Variants in GNG7 observed in about 807,000 individuals in gnomAD.
GNG7 encodes G protein subunit gamma 7, also known as guanine nucleotide-binding protein G(I)/G(S)/G(O) subunit gamma-7.
A neutral mutation model predicts 4.0 loss-of-function variants in GNG7; 1 was observed. The ratio of observed to expected loss-of-function variants is 0.25; its 90% CI spans 0.09 to 1.18. GNG7 has a LOEUF of 1.18. Among genes scored for constraint, GNG7 ranks in the 50% most tolerant of loss-of-function variants. The pLI is 0.50. For synonymous variants in GNG7, 34 were observed against 36.9 expected (o/e 0.92, Z 0.29); for missense variants, 86 against 91.9 (o/e 0.94, Z 0.26).
At chr19:2,569,663 C>A (rs1292782355) in intron 2 of GNG7, among the ~76,000 whole-genome samples, 1 of 152,206 alleles carries the variant, frequency 6.6e-6, no homozygotes, top group African/African-American at 2.4e-5. Context: ...ACTGTGGACA[C>A]TGTAGCCAGA....
chr19:2,680,422 T>C (rs941687037), intron 1 of GNG7, among the ~76,000 whole-genome samples: 21 of 152,228 alleles, frequency 1.4e-4, no homozygotes, highest in Admixed American at 9.8e-4. Context: ...AGTGCTGGGA[T>C]TACAGGCATG....
chr19:2,662,396 C>G (rs187541056), intron 1 of GNG7, among the ~76,000 whole-genome samples: 2 of 152,166 alleles, frequency 1.3e-5, no homozygotes, highest in East Asian at 3.9e-4. Context: ...CTGGAGACAG[C>G]CTTGGACCCC....
chr19:2,587,793 A>C (rs1364372401), intron 2 of GNG7, among the ~76,000 whole-genome samples: 1 of 151,862 alleles, frequency 6.6e-6, no homozygotes, highest in African/African-American at 2.4e-5. Flanking sequence ...GTGAGCCAAG[A>C]TCGTGCCACT....
chr19:2,646,646 CTG>C (rs1232709585), intron 1 of GNG7, among the ~76,000 whole-genome samples: 2 of 151,496 alleles, frequency 1.3e-5, no homozygotes, highest in Admixed American at 1.3e-4. Flanking sequence ...GATCGAGCCA[CTG>C]TCCTCCAGCC....
intron 1 of GNG7, among the ~76,000 whole-genome samples, chr19:2,674,855 C>T (rs569251054): frequency 2.6e-5 from 4 of 152,290 alleles, no homozygotes; most frequent in Admixed American, 6.5e-5. Flanking sequence ...CCCTCGACAG[C>T]GCCGACTCCA....
intron 4 of GNG7, among the ~76,000 whole-genome samples, chr19:2,516,223 GATAA>G (rs1972733193): frequency 6.6e-6 from 1 of 151,870 alleles, no homozygotes; most frequent in African/African-American, 2.4e-5. Context: ...TCTCAATTAA[GATAA>G]ATAAACAAAT....
chr19:2,572,519 C>T (rs548473308), intron 2 of GNG7, among the ~76,000 whole-genome samples: 102 of 151,956 alleles, frequency 6.7e-4, no homozygotes, highest in African/African-American at 2.4e-3. Flanking sequence ...GCAACCTCTG[C>T]CTCCCCGGTT....
At chr19:2,637,851 C>CG (rs1451419478) in intron 2 of GNG7, among the ~76,000 whole-genome samples, 3 of 150,378 alleles carry the variant, frequency 2.0e-5, no homozygotes, top group African/African-American at 7.3e-5. Flanking sequence ...TGAGACCCCC[C>CG]GGGTTAGGGG....
At chr19:2,649,680 G>A (rs745556787) in intron 1 of GNG7, among the ~76,000 whole-genome samples, 5 of 152,168 alleles carry the variant, frequency 3.3e-5, no homozygotes, top group South Asian at 2.1e-4. Context: ...GAGCCACCGC[G>A]CCCAGCCAGG....
intron 1 of GNG7, among the ~76,000 whole-genome samples, chr19:2,673,027 C>T (rs1250728162): frequency 2.0e-5 from 3 of 151,650 alleles, no homozygotes; most frequent in African/African-American, 4.8e-5. Context: ...GAGGCCGAGG[C>T]GGGCAGATCA....
At chr19:2,600,468 AT>A (rs35232310) in intron 2 of GNG7, among the ~76,000 whole-genome samples, 63,979 of 120,216 alleles carry the variant, frequency 0.53, 17,122 homozygotes, top group Middle Eastern at 0.65. Context: ...GTATCTTGGC[AT>A]TTTTTTTTTT....
At chr19:2,671,311 T>C (rs1983446007) in intron 1 of GNG7, among the ~76,000 whole-genome samples, 1 of 152,054 alleles carries the variant, frequency 6.6e-6, no homozygotes, top group African/African-American at 2.4e-5. Flanking sequence ...CCCTGGCAGT[T>C]GCAGGAAGGC....
intron 1 of GNG7, among the ~76,000 whole-genome samples, chr19:2,656,285 A>G (rs886155499): frequency 1.3e-5 from 2 of 152,208 alleles, no homozygotes; most frequent in Admixed American, 1.3e-4. Flanking sequence ...ACCAACCTAC[A>G]TGTCCATCGT....
At chr19:2,686,480 T>C (rs1323980139) in intron 1 of GNG7, among the ~76,000 whole-genome samples, 2 of 152,022 alleles carry the variant, frequency 1.3e-5, no homozygotes, top group Admixed American at 1.3e-4. Flanking sequence ...TTTAAAAATG[T>C]TGCATCTCAG....
intron 3 of GNG7, among the ~76,000 whole-genome samples, chr19:2,526,500 ATATAT>A (rs1978401506): frequency 7.5e-6 from 1 of 133,798 alleles, no homozygotes; most frequent in African/African-American, 2.7e-5. Context: ...TTGTTTACTC[ATATAT>A]TTATATTTAT....
chr19:2,513,089 G>A lies in GNG7; in HGVS notation c.*1933C>T. On this transcript the variant is annotated 3_prime_UTR_variant, in exon 5 of 5. Transcript: ENST00000382159. ...TGGGGAGCCCGGCTGTGGCCTGTGG[G>A]AGCTGCCCGAGGTTGAGGAGTGGAG... 1 of 985,606 alleles carries A rather than the reference G, an allele frequency of 1.0e-6. No homozygotes were observed. Among genetic ancestry groups the A allele is most frequent in the Non-Finnish European group, 1.2e-6 (1 of 830,076 alleles). The allele number at this position is 985,606 out of a possible 1,614,324, so 61.1% of individuals were successfully genotyped here. A position where few individuals can be genotyped will look rare whatever the true frequency, so the allele number is the denominator to read the frequency against.
At chr19:2,566,032 C>A (rs1421700459) in intron 2 of GNG7, among the ~76,000 whole-genome samples, 1 of 151,970 alleles carries the variant, frequency 6.6e-6, no homozygotes, top group Non-Finnish European at 1.5e-5. Flanking sequence ...GTGGTGGGCA[C>A]CTGTAATCCC....
In GNG7 at chr19:2,512,521, T is replaced by A; in HGVS notation, c.*2501A>T. Reference sequence around the variant, plus strand: ...AGGAGAGGCCAGCCTGTCCTTCCCCTCCCCGAGCCTCAGTTTACCTGGAAC... The same window carrying A: ...AGGAGAGGCCAGCCTGTCCTTCCCCACCCCGAGCCTCAGTTTACCTGGAAC... On this transcript the variant is annotated 3_prime_UTR_variant, in exon 5 of 5. Transcript: ENST00000382159. The surrounding 1 kb of genome is among the most constrained non-coding windows in gnomAD (Gnocchi z 4.7). The A allele has an allele frequency of 3.8e-6, 1 of 261,410 alleles. No homozygotes were observed. Among genetic ancestry groups the A allele is most frequent in the Non-Finnish European group, 5.9e-6 (1 of 168,076 alleles). 16.2% of individuals were successfully genotyped at this position (261,410 alleles called of 1,614,324 possible). A position where few individuals can be genotyped will look rare whatever the true frequency, so the allele number is the denominator to read the frequency against.
chr19:2,697,788 C>G (rs1047587798), intron 1 of GNG7, among the ~76,000 whole-genome samples: 1 of 119,464 alleles, frequency 8.4e-6, no homozygotes. Flanking sequence ...GGGCCCCGTC[C>G]CCCCCCCCGC....
Sources: gnomAD v4.1 joint callset for allele counts (sites outside exome capture counted in the v4.1 genomes callset) on GRCh38, gnomAD v4.1.1 for gene constraint, Gnocchi (gnomAD v3.1) non-coding constraint, MANE v1.5 for transcripts, NCBI Gene and HGNC (gene_info 2026-07-23, HGNC 2026-07-21) for gene names.